Variants in MYT1L observed in about 807,000 individuals in gnomAD.
MYT1L encodes the protein myelin transcription factor 1-like protein.
A neutral mutation model predicts 126.7 loss-of-function variants in MYT1L; 12 were observed. That is an observed-to-expected ratio of 0.09 (90% CI 0.06 to 0.15). The LOEUF is 0.15. Among genes scored for constraint, MYT1L ranks in the 10% least tolerant of loss-of-function variants. The pLI is 1.00. For missense variants in MYT1L, 979 were observed against 1,585.2 expected (o/e 0.62, Z 6.49); for synonymous variants, 541 against 604.2 (o/e 0.90, Z 1.53).
intron 4 of MYT1L, among the ~76,000 whole-genome samples, chr2:2,036,428 A>G (rs2149971973): frequency 7.3e-6 from 1 of 137,238 alleles, no homozygotes; most frequent in Admixed American, 7.5e-5. Context: ...CGGGTGCAGA[A>G]GAGAGCTCCT....
intron 13 of MYT1L, among the ~76,000 whole-genome samples, chr2:1,904,790 C>G (rs1224491035): frequency 4.2e-5 from 6 of 143,838 alleles, no homozygotes; most frequent in African/African-American, 1.7e-4. Flanking sequence ...ACCACCACGC[C>G]TGGCTAATTT....
chr2:2,261,221 A>G (rs1167372968), intron 2 of MYT1L, among the ~76,000 whole-genome samples: 5 of 151,864 alleles, frequency 3.3e-5, no homozygotes, highest in Admixed American at 2.6e-4. Flanking sequence ...TTGTTTCACA[A>G]TTTCTTTGCA....
intron 2 of MYT1L, among the ~76,000 whole-genome samples, chr2:2,176,566 T>C (rs1275167495): frequency 6.6e-6 from 1 of 151,916 alleles, no homozygotes; most frequent in African/African-American, 2.4e-5. Context: ...TGGCACGATC[T>C]TGGCTCACTG....
At chr2:1,894,934 C>T in intron 14 of MYT1L, among the ~76,000 whole-genome samples, 1 of 152,252 alleles carries the variant, frequency 6.6e-6, no homozygotes, top group East Asian at 1.9e-4. Flanking sequence ...GCCTGCTTCA[C>T]AGATGTGGAG....
At position 1,824,005 on chromosome 2, in the gene MYT1L, C is replaced by A. The variant is rs567039596; in HGVS notation, c.3081-14838G>T. Among the ~76,000 whole-genome samples, 150 of 152,308 alleles carry A rather than the reference C, an allele frequency of 9.8e-4. 3 individuals carry two copies. In the East Asian group the frequency reaches 0.016, roughly 16 times the overall value. The stretch of plus-strand genomic sequence containing the variant: ...ATGGGATGAGGCCGCGCCTCCCCCC[C>A]CAGCGGGGCCGCCGGGCAGAGGTGA... On this transcript the variant is annotated intron_variant, in intron 21 of 24. Coordinates refer to ENST00000647738, the MANE Select transcript of MYT1L (RefSeq NM_001303052.2).
chr2:1,993,034 C>T (rs961163179), intron 5 of MYT1L, among the ~76,000 whole-genome samples: 2 of 152,180 alleles, frequency 1.3e-5, no homozygotes, highest in African/African-American at 4.8e-5. Flanking sequence ...TCATCCCTGA[C>T]CAATCAGCAC....
At chr2:1,903,385 T>G (rs914974026) in intron 13 of MYT1L, 91 bp from the exon 14 acceptor site, 1 of 1,024,262 alleles carries the variant, frequency 9.8e-7, no homozygotes, top group African/African-American at 1.6e-5. Context: ...ATCTTACTTT[T>G]TTAAATGTGT....
chr2:1,869,645 T>G (rs2046031107), intron 18 of MYT1L, among the ~76,000 whole-genome samples: 1 of 152,246 alleles, frequency 6.6e-6, no homozygotes, highest in Admixed American at 6.5e-5. Flanking sequence ...TGTTCTGGTC[T>G]GTGGTATCTA....
At chr2:1,966,638 A>G (rs2059382110) in intron 8 of MYT1L, among the ~76,000 whole-genome samples, 1 of 152,244 alleles carries the variant, frequency 6.6e-6, no homozygotes, top group Non-Finnish European at 1.5e-5. Flanking sequence ...GAGATGTTTT[A>G]TGAAAACTAA....
At position 1,912,008 on chromosome 2, in the gene MYT1L, C is replaced by T. The variant is rs752296746; in HGVS notation, c.1709+12G>A. The T allele has an allele frequency of 5.7e-5, 91 of 1,585,494 alleles. 1 individual carries two copies. In the South Asian group the frequency reaches 6.4e-4, roughly 11 times the overall value. The stretch of plus-strand genomic sequence containing the variant: ...TGCTCCCTCCCACACCAGTGACCCA[C>T]GCGTGGCTTACCTTCGGTGGGAGTT... On this transcript the variant is annotated intron_variant, in intron 12 of 24. Transcript: ENST00000647738. The surrounding 1 kb of genome is among the most constrained non-coding windows in gnomAD (Gnocchi z 4.3).
intron 2 of MYT1L, among the ~76,000 whole-genome samples, chr2:2,184,678 GC>G (rs2091928048): frequency 6.6e-6 from 1 of 152,058 alleles, no homozygotes; most frequent in Admixed American, 6.6e-5. Flanking sequence ...CGCACCGCAC[GC>G]CCACCAATGG....
intron 3 of MYT1L, among the ~76,000 whole-genome samples, chr2:2,073,660 C>T (rs1036455419): frequency 2.0e-5 from 3 of 152,180 alleles, no homozygotes; most frequent in African/African-American, 4.8e-5. Context: ...CCTGCCAGTG[C>T]GTATCTTGGA....
At chr2:2,045,499 CTG>C (rs1369999089) in intron 4 of MYT1L, among the ~76,000 whole-genome samples, 2 of 152,314 alleles carry the variant, frequency 1.3e-5, no homozygotes, top group East Asian at 3.9e-4. Context: ...GCTCATGAAA[CTG>C]TATTAGAAAA....
At chr2:2,074,517 C>T (rs1028519302) in intron 3 of MYT1L, among the ~76,000 whole-genome samples, 1 of 151,992 alleles carries the variant, frequency 6.6e-6, no homozygotes, top group Non-Finnish European at 1.5e-5. Context: ...AATTAAAATA[C>T]CAGTTAAATG....
intron 3 of MYT1L, among the ~76,000 whole-genome samples, chr2:2,151,342 G>C (rs2085750739): frequency 6.6e-6 from 1 of 152,160 alleles, no homozygotes; most frequent in Admixed American, 6.5e-5. Context: ...CAGTCAGTAA[G>C]TACATGCAGC....
At chr2:2,237,691 C>T (rs1217934883) in intron 2 of MYT1L, among the ~76,000 whole-genome samples, 2 of 152,178 alleles carry the variant, frequency 1.3e-5, no homozygotes, top group Admixed American at 6.5e-5. Context: ...ACATAAACCA[C>T]TTAAGTCCCT....
chr2:2,100,437 G>C (rs2077923551), intron 3 of MYT1L, among the ~76,000 whole-genome samples: 1 of 151,860 alleles, frequency 6.6e-6, no homozygotes, highest in Non-Finnish European at 1.5e-5. Context: ...CCAGATTTGT[G>C]TCTGAGTTCC....
At chr2:2,269,675 T>C (rs2095222560) in intron 2 of MYT1L, among the ~76,000 whole-genome samples, 1 of 152,156 alleles carries the variant, frequency 6.6e-6, no homozygotes, top group Admixed American at 6.5e-5. Context: ...CCCCTGGATT[T>C]GTGCTCCCCG....
In MYT1L at chr2:1,876,210, C is replaced by T. The variant is rs13419752; in HGVS notation, c.2711+10329G>A. Among the ~76,000 whole-genome samples the T allele has an allele frequency of 7.2e-3, 1,095 of 152,242 alleles. 21 individuals are homozygous for T. Among genetic ancestry groups the T allele is most frequent in the African/African-American group, 0.025 (1,051 of 41,546 alleles). ...TCCAAATTTTGTAGTTATTTTAATT[C>T]CCAGAAAATCGGATTCTGTGGGCCC... On this transcript the variant is annotated intron_variant, in intron 18 of 24. Transcript: ENST00000647738.
Sources: allele counts gnomAD v4.1 joint callset (sites outside exome capture counted in the v4.1 genomes callset), GRCh38; gene constraint gnomAD v4.1.1; non-coding constraint Gnocchi (gnomAD v3.1); transcripts MANE v1.5; gene names NCBI Gene and HGNC (gene_info 2026-07-23, HGNC 2026-07-21).